Variants in TENM3 observed in about 807,000 individuals in gnomAD.
TENM3 encodes the protein teneurin-3.
A neutral mutation model predicts 255.1 loss-of-function variants in TENM3; 63 were observed. That is an observed-to-expected ratio of 0.25 (90% CI 0.20 to 0.30). The LOEUF is 0.30. Among genes scored for constraint, TENM3 ranks in the 10% least tolerant of loss-of-function variants. TENM3 has a pLI of 1.00. For synonymous variants in TENM3, 1,306 were observed against 1,322.3 expected (o/e 0.99, Z 0.27); for missense variants, 2,929 against 3,461.1 (o/e 0.85, Z 3.86).
chr4:182,034,081 C>A, the TENM3 span, among the ~76,000 whole-genome samples: 1 of 152,134 alleles, frequency 6.6e-6, no homozygotes, highest in Non-Finnish European at 1.5e-5. Flanking sequence ...AAAGGAGAAG[C>A]CAAGGCGTGT....
the TENM3 span, among the ~76,000 whole-genome samples, chr4:181,452,074 C>T: frequency 2.6e-5 from 4 of 152,022 alleles, no homozygotes; most frequent in East Asian, 5.8e-4. Flanking sequence ...GTGCTAAAAG[C>T]GCGGTGAGAT....
At chr4:181,772,250 C>T in the TENM3 span, among the ~76,000 whole-genome samples, 10 of 151,982 alleles carry the variant, frequency 6.6e-5, no homozygotes, top group East Asian at 1.9e-4. Flanking sequence ...TGGTGGCATG[C>T]GCCTGTAATC....
At chr4:181,838,664 T>G in the TENM3 span, among the ~76,000 whole-genome samples, 1 of 152,156 alleles carries the variant, frequency 6.6e-6, no homozygotes, top group Non-Finnish European at 1.5e-5. Context: ...ATTTGTTCAT[T>G]TCATGAGTTT....
the TENM3 span, among the ~76,000 whole-genome samples, chr4:181,567,702 A>T: frequency 5.9e-5 from 9 of 152,214 alleles, no homozygotes; most frequent in African/African-American, 9.6e-5. Flanking sequence ...CTAGAAGTTG[A>T]TAACAAGTTC....
the TENM3 span, among the ~76,000 whole-genome samples, chr4:181,993,673 C>T: frequency 6.6e-6 from 1 of 152,244 alleles, no homozygotes; most frequent in Non-Finnish European, 1.5e-5. Flanking sequence ...CATACCCAAC[C>T]ATGTCCTATG....
the TENM3 span, among the ~76,000 whole-genome samples, chr4:181,452,855 C>A: frequency 6.6e-6 from 1 of 152,068 alleles, no homozygotes; most frequent in Non-Finnish European, 1.5e-5. Flanking sequence ...GGTTTGGTGG[C>A]AGGATTTCGA....
At chr4:182,282,853 A>G (rs1377641321) in intron 1 of TENM3, among the ~76,000 whole-genome samples, 1 of 148,074 alleles carries the variant, frequency 6.8e-6, no homozygotes, top group African/African-American at 2.5e-5. Context: ...AAATCATGCC[A>G]CTGCACTCCA....
the TENM3 span, among the ~76,000 whole-genome samples, chr4:181,680,010 C>T: frequency 2.6e-5 from 4 of 152,086 alleles, no homozygotes; most frequent in African/African-American, 9.7e-5. Context: ...CTAATCAATT[C>T]CCCCTCCAAA....
At chr4:181,617,962 T>TA in the TENM3 span, among the ~76,000 whole-genome samples, 1 of 152,212 alleles carries the variant, frequency 6.6e-6, no homozygotes, top group African/African-American at 2.4e-5. Flanking sequence ...AAAGGTAATC[T>TA]TTATTGAGTG....
Position 182,729,178 on chromosome 4 carries a change from AG to A in TENM3, c.2583del (p.Ser862AlafsTer11), listed in dbSNP as rs751245139. 6.2e-7 allele frequency: 1 copy of A among 1,611,070 alleles called. No homozygotes were observed. The highest frequency in any genetic ancestry group is 1.7e-4 in the Middle Eastern group (1 of 6,058). On this transcript the variant is annotated frameshift_variant and splice_region_variant, in exon 14 of 28. Coordinates refer to ENST00000511685, the MANE Select transcript of TENM3 (RefSeq NM_001080477.4). LOFTEE classifies it high-confidence loss of function. ...HVIPGESPFNKSLASVIRGQV... is the reference protein window; with the variant it reads ...HVIPGESPFNXSLASVIRGQV... Reference sequence around the variant, plus strand: ...ATACCTGGAGAAAGTCCTTTCAATAAGAGGTTAATGCTTCTTTTCCATATGT... The same window carrying A: ...ATACCTGGAGAAAGTCCTTTCAATAAAGGTTAATGCTTCTTTTCCATATGT...
At chr4:181,655,302 G>A in the TENM3 span, among the ~76,000 whole-genome samples, 56 of 152,244 alleles carry the variant, frequency 3.7e-4, no homozygotes, top group Non-Finnish European at 6.9e-4. Context: ...GGGCTCACTA[G>A]AGAGATGATA....
At chr4:182,139,299 A>G (rs774769895), upstream of TENM3, among the ~76,000 whole-genome samples, 5 of 151,806 alleles carry the variant, frequency 3.3e-5, no homozygotes, top group Admixed American at 6.6e-5. Context: ...AGCATTCCAG[A>G]CTAAGAGGTC....
Position 182,161,802 on chromosome 4 carries a change from TAC to T in TENM3, c.-76+17052_-76+17053del, listed in dbSNP as rs1459666521. Among the ~76,000 whole-genome samples, 27 of 46,000 alleles carry T rather than the reference TAC, an allele frequency of 5.9e-4. 2 individuals carry two copies. The highest frequency in any genetic ancestry group is 9.7e-4 in the Non-Finnish European group (25 of 25,784). 30.2% of individuals were successfully genotyped at this position (46,000 alleles called of 152,430 possible). The stretch of plus-strand genomic sequence containing the variant: ...ATATACACAAATATATGTATATATA[TAC>T]ACATATATATGTATATATATACACA... On this transcript the variant is annotated intron_variant, in intron 1 of 2. Coordinates refer to the TENM3 transcript ENST00000512480.
intron 13 of TENM3, among the ~76,000 whole-genome samples, chr4:182,715,592 C>G (rs1358172914): frequency 6.6e-6 from 1 of 152,204 alleles, no homozygotes; most frequent in Non-Finnish European, 1.5e-5. Context: ...TCTTTGCTTT[C>G]AAAAGTGCTC....
In TENM3 at chr4:182,169,074, T is replaced by TACACACACACACACAC. The variant is rs55885166; in HGVS notation, c.-76+24335_-76+24350dup. Among the ~76,000 whole-genome samples the TACACACACACACACAC allele has an allele frequency of 6.6e-3, 905 of 137,826 alleles. 7 individuals are homozygous for TACACACACACACACAC. The highest frequency in any genetic ancestry group is 0.016 in the African/African-American group (612 of 37,778). 90.4% of individuals were successfully genotyped at this position (137,826 alleles called of 152,430 possible). A position where few individuals can be genotyped will look rare whatever the true frequency, so the allele number is the denominator to read the frequency against. On this transcript the variant is annotated intron_variant, in intron 1 of 2. Transcript: ENST00000512480. ...AGATATATGTCATATAATCATGCCA[T>TACACACACACACACAC]ACACACACACACACACACACACACA...
At chr4:182,156,710 A>T (rs965694278) in intron 1 of TENM3, among the ~76,000 whole-genome samples, 64 of 151,644 alleles carry the variant, frequency 4.2e-4, no homozygotes, top group African/African-American at 1.5e-3. Context: ...ATTACAAGTC[A>T]ATATAAATAC....
the TENM3 span, among the ~76,000 whole-genome samples, chr4:181,790,305 A>C: frequency 2.6e-4 from 39 of 152,288 alleles, no homozygotes; most frequent in Non-Finnish European, 5.9e-5. Flanking sequence ...ATGGTATAAG[A>C]AGTGGCTCAC....
chr4:182,321,707 A>G (rs1456904401), intron 1 of TENM3, among the ~76,000 whole-genome samples: 1 of 151,994 alleles, frequency 6.6e-6, no homozygotes, highest in Non-Finnish European at 1.5e-5. Flanking sequence ...GCACTTTGGG[A>G]GGCTGAAGTG....
intron 13 of TENM3, among the ~76,000 whole-genome samples, chr4:182,721,668 G>C (rs1407820360): frequency 1.3e-5 from 2 of 152,084 alleles, no homozygotes; most frequent in African/African-American, 4.8e-5. Context: ...GATAGCTACT[G>C]CTCAATTGCT....
Sources: gnomAD v4.1 joint callset for allele counts (sites outside exome capture counted in the v4.1 genomes callset) on GRCh38, gnomAD v4.1.1 for gene constraint, MANE v1.5 for transcripts, NCBI Gene and HGNC (gene_info 2026-07-23, HGNC 2026-07-21) for gene names.